Variants in CACNG2 observed in about 807,000 individuals in gnomAD.
CACNG2 encodes calcium voltage-gated channel auxiliary subunit gamma 2.
Under a neutral mutation model 25.9 loss-of-function variants are expected in CACNG2, and 3 were observed. The observed-to-expected ratio is 0.12, with a 90% CI of 0.05 to 0.30. The LOEUF (loss-of-function observed/expected upper bound fraction) is 0.30, where lower values mean the gene tolerates loss of function less well. Among genes scored for constraint, CACNG2 ranks in the 10% least tolerant of loss-of-function variants. CACNG2 has a pLI of 1.00. For synonymous variants in CACNG2, 167 were observed against 173.3 expected (o/e 0.96, Z 0.29); for missense variants, 341 against 432.5 (o/e 0.79, Z 1.88).
intron 1 of CACNG2, among the ~76,000 whole-genome samples, chr22:36,634,569 A>T (rs1936326307): frequency 6.6e-6 from 1 of 152,224 alleles, no homozygotes; most frequent in South Asian, 2.1e-4. Flanking sequence ...TTTGCAAAAC[A>T]CTGGTAAAAT....
At chr22:36,622,337 T>A (rs921694717) in intron 1 of CACNG2, among the ~76,000 whole-genome samples, 2 of 152,248 alleles carry the variant, frequency 1.3e-5, no homozygotes, top group African/African-American at 4.8e-5. Context: ...GCCCAGAATT[T>A]CTGATTCAAT....
Position 36,625,735 on chromosome 22 carries a change from A to T in CACNG2, c.212-38187T>A, listed in dbSNP as rs1420603063. ...CAGTTTAAAAAAATAATTTTTCATAAAACCTTCAGAAGGTAATTTGACTGT... is the reference window on the plus strand; with the variant it reads ...CAGTTTAAAAAAATAATTTTTCATATAACCTTCAGAAGGTAATTTGACTGT... On this transcript the variant is annotated intron_variant, in intron 1 of 3. Transcript: ENST00000300105. Among the ~76,000 whole-genome samples the T allele has an allele frequency of 2.6e-5, 4 of 152,194 alleles. No homozygotes were observed. In the East Asian group the frequency reaches 5.8e-4, roughly 22 times the overall value.
intron 1 of CACNG2, among the ~76,000 whole-genome samples, chr22:36,603,438 T>C (rs942099564): frequency 2.6e-5 from 4 of 152,226 alleles, no homozygotes; most frequent in Admixed American, 6.5e-5. Context: ...AGATCATTGA[T>C]GAAGGTGGCC....
chr22:36,632,670 T>G (rs1332120795), intron 1 of CACNG2, among the ~76,000 whole-genome samples: 2 of 152,006 alleles, frequency 1.3e-5, no homozygotes, highest in African/African-American at 4.8e-5. Flanking sequence ...GCTCACTCCC[T>G]CCTTGAACCC....
At chr22:36,643,472 C>CTT (rs1299490362) in intron 1 of CACNG2, among the ~76,000 whole-genome samples, 1 of 141,406 alleles carries the variant, frequency 7.1e-6, no homozygotes, top group Non-Finnish European at 1.5e-5. Context: ...ATCTATCTGT[C>CTT]TGTCTATCTA....
chr22:36,668,331 A>AT (rs1936902264), intron 1 of CACNG2, among the ~76,000 whole-genome samples: 1 of 152,066 alleles, frequency 6.6e-6, no homozygotes, highest in Non-Finnish European at 1.5e-5. Context: ...GAGCCAATAG[A>AT]ATATATATAG....
chr22:36,645,301 G>T (rs544281916), intron 1 of CACNG2, among the ~76,000 whole-genome samples: 1 of 152,178 alleles, frequency 6.6e-6, no homozygotes, highest in African/African-American at 2.4e-5. Context: ...ACTTTGGGAG[G>T]CTGAGACGGG....
intron 2 of CACNG2, among the ~76,000 whole-genome samples, chr22:36,578,357 CAAA>C (rs3076266): frequency 7.7e-6 from 1 of 130,092 alleles, no homozygotes; most frequent in Non-Finnish European, 1.6e-5. Flanking sequence ...GACTCAATCT[CAAA>C]AAAAAAAAAA....
chr22:36,669,237 C>G (rs767867747), intron 1 of CACNG2, among the ~76,000 whole-genome samples: 1 of 152,030 alleles, frequency 6.6e-6, no homozygotes, highest in African/African-American at 2.4e-5. Context: ...CGTGGTGGCT[C>G]ACTCCTGTAA....
At chr22:36,653,730 G>A (rs1936657552) in intron 1 of CACNG2, among the ~76,000 whole-genome samples, 1 of 152,000 alleles carries the variant, frequency 6.6e-6, no homozygotes. Flanking sequence ...CTGGCACTGG[G>A]TTCCCAGCCT....
rs116989548 is a variant in CACNG2 at position 36,609,973 on chromosome 22, G to A, written c.212-22425C>T. ...AATCAGCCCCCCAGAGCGTGACCGG[G>A]CAGGAATCAGTCTCCCAGAGCGTGA... On this transcript the variant is annotated intron_variant, in intron 1 of 3. Transcript: ENST00000300105. Among the ~76,000 whole-genome samples the A allele has an allele frequency of 5.7e-4, 86 of 151,520 alleles. 2 individuals carry two copies. The East Asian group carries it at 0.015, about 26-fold the overall frequency.
At position 36,611,941 on chromosome 22, in the gene CACNG2, C is replaced by A. The variant is rs535494969; in HGVS notation, c.212-24393G>T. On this transcript the variant is annotated intron_variant, in intron 1 of 3. Transcript: ENST00000300105. Reference sequence around the variant, plus strand: ...CTGCTGGCTATGAGTTGTGTGGATACCCTGAGCCTCCTCTGTAAACCGGGT... The same window carrying A: ...CTGCTGGCTATGAGTTGTGTGGATAACCTGAGCCTCCTCTGTAAACCGGGT... Among the ~76,000 whole-genome samples, 6 of 152,278 alleles carry A rather than the reference C, an allele frequency of 3.9e-5. No homozygotes were observed. In the East Asian group the frequency reaches 1.2e-3, roughly 29 times the overall value.
chr22:36,575,432 T>A (rs1431762332), intron 2 of CACNG2, among the ~76,000 whole-genome samples: 1 of 150,974 alleles, frequency 6.6e-6, no homozygotes, highest in East Asian at 2.0e-4. Context: ...TGCTTCATGG[T>A]GGGCATAGCC....
intron 1 of CACNG2, among the ~76,000 whole-genome samples, chr22:36,650,613 G>A (rs1936596654): frequency 6.6e-6 from 1 of 152,154 alleles, no homozygotes; most frequent in African/African-American, 2.4e-5. Context: ...CTGGGCACAA[G>A]CAATCCTCCC....
intron 1 of CACNG2, among the ~76,000 whole-genome samples, chr22:36,667,645 T>C (rs1936893000): frequency 6.6e-6 from 1 of 152,150 alleles, no homozygotes; most frequent in African/African-American, 2.4e-5. Context: ...TGAAAGGCCG[T>C]TTGGTTTATT....
chr22:36,591,950 C>T (rs969428567), intron 1 of CACNG2, among the ~76,000 whole-genome samples: 1 of 151,612 alleles, frequency 6.6e-6, no homozygotes, highest in Non-Finnish European at 1.5e-5. Flanking sequence ...GGGTTGGGGA[C>T]GGGAGGACAG....
intron 1 of CACNG2, among the ~76,000 whole-genome samples, chr22:36,622,825 G>A (rs1360728142): frequency 3.3e-5 from 5 of 151,622 alleles, no homozygotes. Flanking sequence ...TTGGGGTGGT[G>A]GCGCATGCCT....
At chr22:36,609,972 G>A (rs1003854707) in intron 1 of CACNG2, among the ~76,000 whole-genome samples, 1 of 151,662 alleles carries the variant, frequency 6.6e-6, no homozygotes, top group African/African-American at 2.4e-5. Flanking sequence ...AGCGTGACCG[G>A]GCAGGAATCA....
At chr22:36,662,232 T>G (rs1326106579) in intron 1 of CACNG2, among the ~76,000 whole-genome samples, 1 of 152,118 alleles carries the variant, frequency 6.6e-6, no homozygotes, top group African/African-American at 2.4e-5. Flanking sequence ...TCCTCCTGCC[T>G]CGTCCTCCCA....
Sources: allele counts gnomAD v4.1 joint callset (sites outside exome capture counted in the v4.1 genomes callset), GRCh38; gene constraint gnomAD v4.1.1; transcripts MANE v1.5; gene names NCBI Gene and HGNC (gene_info 2026-07-23, HGNC 2026-07-21).